Variants in USP24 observed in about 807,000 individuals in gnomAD.
The protein encoded by USP24 is ubiquitin specific peptidase 24.
USP24 carries 97 observed loss-of-function variants against 361.6 expected under a neutral mutation model. The ratio of observed to expected loss-of-function variants is 0.27; its 90% CI spans 0.23 to 0.32. The LOEUF (loss-of-function observed/expected upper bound fraction) is 0.32, where lower values mean the gene tolerates loss of function less well. USP24 is among the 10% of genes least tolerant of loss of function. The pLI, the probability that USP24 is intolerant of heterozygous loss-of-function variation, is 1.00. For synonymous variants in USP24, 1,098 were observed against 1,124.6 expected, an observed-to-expected ratio of 0.98 and a Z score of 0.47; for missense variants, 2,353 against 3,165.6, an observed-to-expected ratio of 0.74 and a Z score of 6.16.
At chr1:55,154,523 A>C in intron 13 of USP24, 57 bp from the exon 14 acceptor site, 1 of 1,525,422 alleles carries the variant, frequency 6.6e-7, no homozygotes, top group Non-Finnish European at 8.9e-7. Flanking sequence ...AAAATATGCA[A>C]AAATTTTAAA....
At chr1:55,092,292 T>A (rs1419630683) in intron 53 of USP24, among the ~76,000 whole-genome samples, 166 bp from the exon 54 acceptor site, 1 of 152,230 alleles carries the variant, frequency 6.6e-6, no homozygotes, top group South Asian at 2.1e-4. Flanking sequence ...TATAAAAAAA[T>A]GTTCCATTTA....
chr1:55,209,975 C>A (rs530189513), intron 1 of USP24, among the ~76,000 whole-genome samples: 1 of 152,160 alleles, frequency 6.6e-6, no homozygotes, highest in Middle Eastern at 3.4e-3. Context: ...AATGTTGAAA[C>A]CTTTTCCTCA....
At chr1:55,116,673 T>C (rs1233578402) in intron 38 of USP24, among the ~76,000 whole-genome samples, 1 of 149,764 alleles carries the variant, frequency 6.7e-6, no homozygotes, top group Non-Finnish European at 1.5e-5. Flanking sequence ...GAGACTGAAT[T>C]GGTAATCCAA....
chr1:55,190,133 C>A (rs1644246461), intron 1 of USP24, among the ~76,000 whole-genome samples: 1 of 121,928 alleles, frequency 8.2e-6, no homozygotes. Context: ...CCACTGCACT[C>A]TAGCCTGGGT....
chr1:55,144,277 G>T, intron 20 of USP24, 74 bp from the exon 21 acceptor site: 1 of 975,380 alleles, frequency 1.0e-6, no homozygotes, highest in Non-Finnish European at 1.5e-6. Context: ...ACTCAAAGTG[G>T]ATCAAGAACT....
At chr1:55,203,329 A>G (rs1569796218) in intron 1 of USP24, among the ~76,000 whole-genome samples, 1 of 151,424 alleles carries the variant, frequency 6.6e-6, no homozygotes, top group Non-Finnish European at 1.5e-5. Context: ...AAGACATCTC[A>G]AGAGGCAGAA....
At chr1:55,104,461 T>C (rs1401780960) in intron 41 of USP24, among the ~76,000 whole-genome samples, 1 of 152,186 alleles carries the variant, frequency 6.6e-6, no homozygotes, top group Non-Finnish European at 1.5e-5. Flanking sequence ...TTATGTGGAC[T>C]TTCTATGAAA....
intron 32 of USP24, among the ~76,000 whole-genome samples, chr1:55,126,144 T>C (rs1473259994): frequency 1.3e-5 from 2 of 152,218 alleles, no homozygotes; most frequent in Non-Finnish European, 2.9e-5. Context: ...CTGGTATCTC[T>C]GCAATGTCAT....
intron 32 of USP24, among the ~76,000 whole-genome samples, chr1:55,126,090 CAG>C (rs1379712599): frequency 1.3e-5 from 2 of 152,220 alleles, no homozygotes; most frequent in Admixed American, 6.5e-5. Flanking sequence ...TGAAAAACAG[CAG>C]AGTCTTCACA....
Position 55,215,008 on chromosome 1 carries a change from C to G in USP24, c.106G>C (p.Glu36Gln). ...ALRLAKNDIN[E>Q]AVALLTNERP... ...TCGTTGGTGAGCAGTGCCACGGCCT[C>G]GTTAATGTCGTTCTTGGCCAGGCGC... is the stretch of plus-strand genomic sequence containing the variant. The change falls in exon 1 of 68, where the codon GAG (glutamate) becomes CAG (glutamine). Residue 36 changes from glutamate (E) to glutamine (Q), a missense_variant. Glu to Gln is a conservative substitution (Grantham distance 29). Coordinates refer to ENST00000294383, the MANE Select transcript of USP24 (RefSeq NM_015306.3). 6.8e-7 allele frequency: 1 copy of G among 1,473,540 alleles called. No individual in the cohort carries two copies. The highest frequency in any genetic ancestry group is 9.0e-7 in the Non-Finnish European group (1 of 1,111,762). The allele number at this position is 1,473,540 out of a possible 1,614,324, so 91.3% of individuals were successfully genotyped here.
At position 55,132,703 on chromosome 1, in the gene USP24, A is replaced by G; in HGVS notation, c.3382-3T>C. On this transcript the variant is annotated splice_region_variant and splice_polypyrimidine_tract_variant and intron_variant, in intron 30 of 67. Transcript: ENST00000294383. ...CTTGATTCAGACAGCAATGTTTTCTAAGTTTAAGAGAATGAGAAAGACATA... is the reference window on the plus strand; with the variant it reads ...CTTGATTCAGACAGCAATGTTTTCTGAGTTTAAGAGAATGAGAAAGACATA... The G allele has an allele frequency of 1.9e-6, 3 of 1,611,130 alleles. No individual in the cohort carries two copies. The highest frequency in any genetic ancestry group is 2.5e-6 in the Non-Finnish European group (3 of 1,178,366).
chr1:55,137,500 T>C lies in USP24; in HGVS notation c.3201+15A>G, dbSNP rs1484104350. 6.2e-7 allele frequency: 1 copy of C among 1,603,376 alleles called. No homozygotes were observed. Among genetic ancestry groups the C allele is most frequent in the Admixed American group, 1.7e-5 (1 of 57,162 alleles). On this transcript the variant is annotated intron_variant, in intron 28 of 67. Transcript: ENST00000294383. ...TTAAGTTCTTGTTTTTAAATGGAAATTGATCACCCAGTACCTGCTCCATGG... is the reference window on the plus strand; with the variant it reads ...TTAAGTTCTTGTTTTTAAATGGAAACTGATCACCCAGTACCTGCTCCATGG...
At chr1:55,121,343 C>T (rs902649892) in intron 37 of USP24, 93 bp downstream of exon 37, 32 of 1,170,028 alleles carry the variant, frequency 2.7e-5, no homozygotes, top group Non-Finnish European at 3.7e-5. Context: ...CTCAATGCCA[C>T]TCCTGTATTC....
At chr1:55,135,427 T>C (rs1646706672) in intron 28 of USP24, among the ~76,000 whole-genome samples, 1 of 152,224 alleles carries the variant, frequency 6.6e-6, no homozygotes, top group South Asian at 2.1e-4. Flanking sequence ...ATTCCATGCC[T>C]GACCTCATGT....
At position 55,138,681 on chromosome 1, in the gene USP24, C is replaced by T. The variant is rs761226817; in HGVS notation, c.2855G>A (p.Gly952Asp). The part of the protein sequence containing the change: ...YSVPRTILPH[G>D]ASFHGHLLTL... ...TAAAAGATGTCCATGAAATGAGGCA[C>T]CATGAGGTAGAATAGTTCGTGGAAC... is the stretch of plus-strand genomic sequence containing the variant. The change falls in exon 26 of 68, where the codon GGT becomes GAT. Residue 952 changes from glycine to aspartate, a missense_variant. This residue lies in a region of USP24 where 949 missense variants were observed against 1,280.5 expected (regional missense o/e 0.74). Coordinates refer to ENST00000294383, the MANE Select transcript of USP24 (RefSeq NM_015306.3). 1.2e-6 allele frequency: 2 copies of T among 1,612,670 alleles called. No homozygotes were observed. Among genetic ancestry groups the T allele is most frequent in the Admixed American group, 1.7e-5 (1 of 59,844 alleles).
rs935859262 is a variant in USP24 at position 55,125,448 on chromosome 1, G to A, written c.3832C>T (p.Arg1278Trp). 5 of 1,613,878 alleles carry A rather than the reference G, an allele frequency of 3.1e-6. No individual in the cohort carries two copies. Among genetic ancestry groups the A allele is most frequent in the South Asian group, 1.1e-5 (1 of 91,074 alleles). Reference sequence around the variant, plus strand: ...AAGGACATCTGTCTGCTTGTCTGCCGGCTGACATTTCGGAATGGGCGGGAA... The same window carrying A: ...AAGGACATCTGTCTGCTTGTCTGCCAGCTGACATTTCGGAATGGGCGGGAA... Reference protein sequence around the residue: ...LSSRPFRNVSRQTSRQMSLCG... With the variant: ...LSSRPFRNVSWQTSRQMSLCG... The change falls in exon 34 of 68, where the codon CGG becomes TGG. Residue 1278 changes from arginine to tryptophan, a missense_variant. By Grantham distance (101) the Arg-to-Trp change is moderately radical. Coordinates refer to ENST00000294383, the MANE Select transcript of USP24 (RefSeq NM_015306.3).
rs2100615015 is a variant in USP24 at position 55,125,344 on chromosome 1, GA to G, written c.3935del (p.Ile1312ThrfsTer13). On this transcript the variant is annotated frameshift_variant, in exon 34 of 68. Transcript: ENST00000294383. LOFTEE classifies it high-confidence loss of function. Reference protein sequence around the residue: ...DRSSIRVEEIIPAARVAIQTM... With the variant: ...DRSSIRVEEIXPAARVAIQTM... ...CTTGTATTGCAACTCGAGCAGCAGG[GA>G]TGATTTCCTCAACCCTAATAGAAGA... 1 of 1,613,888 alleles carries G rather than the reference GA, an allele frequency of 6.2e-7. No homozygotes were observed. Among genetic ancestry groups the G allele is most frequent in the Non-Finnish European group, 8.5e-7 (1 of 1,179,816 alleles).
intron 9 of USP24, among the ~76,000 whole-genome samples, 166 bp from the exon 10 acceptor site, chr1:55,159,202 G>C (rs1433527360): frequency 6.6e-6 from 1 of 152,146 alleles, no homozygotes; most frequent in African/African-American, 2.4e-5. Flanking sequence ...TTAGCACATG[G>C]GTGAGCAGTA....
chr1:55,070,740 G>C (rs1322792276), intron 67 of USP24, among the ~76,000 whole-genome samples: 1 of 152,208 alleles, frequency 6.6e-6, no homozygotes, highest in Non-Finnish European at 1.5e-5. Context: ...GGGCAGAAGA[G>C]AAACCAGTGT....
Sources: gnomAD v4.1 joint callset for allele counts (sites outside exome capture counted in the v4.1 genomes callset) on GRCh38, gnomAD v4.1.1 for gene constraint, gnomAD v4.1.1 regional missense constraint, MANE v1.5 for transcripts, NCBI Gene and HGNC (gene_info 2026-07-23, HGNC 2026-07-21) for gene names.